The following UGT2A2 variants were observed in gnomAD, a reference collection of about 807,000 sequenced individuals.
UGT2A2 encodes the protein UDP glucuronosyltransferase family 2 member A2, also known as UDP-glucuronosyltransferase 2A2.
A neutral mutation model predicts 50.7 loss-of-function variants in UGT2A2; 60 were observed. The observed-to-expected ratio is 1.18, with a 90% confidence interval of 0.96 to 1.47. The LOEUF is 1.47. Ranked by LOEUF, UGT2A2 falls within the 40% of genes most tolerant of loss-of-function variation. The pLI, the probability that UGT2A2 is intolerant of heterozygous loss-of-function variation, is 0.00. For synonymous variants in UGT2A2, 242 were observed against 214.6 expected, an observed-to-expected ratio of 1.13 and a Z score of -1.11; for missense variants, 762 against 634.0, an observed-to-expected ratio of 1.20 and a Z score of -2.17.
intron 1 of UGT2A2, among the ~76,000 whole-genome samples, chr4:69,604,846 G>T (rs1214075292): frequency 7.3e-6 from 1 of 136,738 alleles, no homozygotes; most frequent in Non-Finnish European, 1.6e-5. Context: ...AATGGTAAAA[G>T]GATCAATTCA....
At chr4:69,589,860 T>C (rs1718489529) in intron 5 of UGT2A2, among the ~76,000 whole-genome samples, 1 of 152,178 alleles carries the variant, frequency 6.6e-6, no homozygotes, top group Non-Finnish European at 1.5e-5. Flanking sequence ...CACAGTATGA[T>C]CAAATGTAGA....
In UGT2A2 at chr4:69,594,571, T is replaced by C. The variant is rs200977970; in HGVS notation, c.1237A>G (p.Met413Val). ...TCCACAGCTGCTCCTTTGGCCTTCATGTGAGCAATGTTATCAGGCTGATCA... is the reference window on the plus strand; with the variant it reads ...TCCACAGCTGCTCCTTTGGCCTTCACGTGAGCAATGTTATCAGGCTGATCA... ...FADQPDNIAH[M>V]KAKGAAVEVN... Residue 413 changes from methionine to valine, a missense_variant, in exon 5 of 6, where the codon ATG (methionine) becomes GTG (valine). Transcript: ENST00000604629. The C allele has an allele frequency of 6.2e-7, 1 of 1,614,066 alleles. No individual in the cohort carries two copies. The highest frequency in any genetic ancestry group is 8.5e-7 in the Non-Finnish European group (1 of 1,180,054).
chr4:69,605,459 G>A (rs1441576089), intron 1 of UGT2A2, among the ~76,000 whole-genome samples: 1 of 136,356 alleles, frequency 7.3e-6, no homozygotes, highest in Non-Finnish European at 1.6e-5. Context: ...AATGCCCACA[G>A]AACAGAGCAG....
At chr4:69,620,096 C>G (rs1720654858) in intron 1 of UGT2A2, among the ~76,000 whole-genome samples, 1 of 152,016 alleles carries the variant, frequency 6.6e-6, no homozygotes, top group South Asian at 2.1e-4. Context: ...CCCTCTCTCA[C>G]TACTCCTATT....
At chr4:69,607,259 A>G (rs1402881895) in intron 1 of UGT2A2, among the ~76,000 whole-genome samples, 4 of 150,394 alleles carry the variant, frequency 2.7e-5, no homozygotes, top group Non-Finnish European at 3.0e-5. Flanking sequence ...CTCAGAAATA[A>G]TGCTGCGTAT....
chr4:69,618,993 T>C (rs545948887), intron 1 of UGT2A2, among the ~76,000 whole-genome samples: 2 of 151,982 alleles, frequency 1.3e-5, no homozygotes, highest in East Asian at 3.9e-4. Flanking sequence ...AATTTAATTA[T>C]GCAATAATAT....
chr4:69,602,805 T>A (rs1466570510), intron 1 of UGT2A2, among the ~76,000 whole-genome samples: 1 of 137,018 alleles, frequency 7.3e-6, no homozygotes, highest in Non-Finnish European at 1.6e-5. Context: ...CATAAAGATG[T>A]CCATTCTCTA....
At position 69,589,368 on chromosome 4, in the gene UGT2A2, TGACC is replaced by T; in HGVS notation, c.1611_*3del. 1 of 1,605,958 alleles carries T rather than the reference TGACC, an allele frequency of 6.2e-7. No individual in the cohort carries two copies. On this transcript the variant is annotated stop_retained_variant and 3_prime_UTR_variant, in exon 6 of 6. Transcript: ENST00000604629. ...AAATATATATATTTCCTCTTTTTCT[TGACC>T]TATTCTCTTTTTTTCTTCTTTCCTA...
chr4:69,603,394 T>C (rs1425383635), intron 1 of UGT2A2: 1 of 136,380 alleles, frequency 7.3e-6, no homozygotes, highest in Non-Finnish European at 1.6e-5. Flanking sequence ...ATGGGACAGC[T>C]CCTTACCCAA....
chr4:69,618,429 C>T lies in UGT2A2; in HGVS notation c.743-19035G>A, dbSNP rs946896788. ...CACAAGAGAAGAGATTTAAAAAGCACAAAAATGTCTTGGTGAATTCTAACA... is the reference window on the plus strand; with the variant it reads ...CACAAGAGAAGAGATTTAAAAAGCATAAAAATGTCTTGGTGAATTCTAACA... On this transcript the variant is annotated intron_variant, in intron 1 of 5. Coordinates refer to ENST00000604629, the MANE Select transcript of UGT2A2 (RefSeq NM_001105677.2). Among the ~76,000 whole-genome samples the T allele has an allele frequency of 5.3e-5, 8 of 151,916 alleles. No individual in the cohort carries two copies. The East Asian group carries it at 1.6e-3, about 29-fold the overall frequency.
chr4:69,627,737 A>G (rs903443403), intron 1 of UGT2A2, among the ~76,000 whole-genome samples: 3 of 151,976 alleles, frequency 2.0e-5, no homozygotes, highest in Admixed American at 6.6e-5. Context: ...CCTGTATCAA[A>G]TTATGAGCAA....
chr4:69,589,103 T>C lies in UGT2A2; in HGVS notation c.*269A>G. On this transcript the variant is annotated 3_prime_UTR_variant, in exon 6 of 6. Transcript: ENST00000604629. ...ATAGAACATATTTAAAATTAGGTAG[T>C]ATCCTTGTGTCAGAAAAGTGACAGG... The C allele has an allele frequency of 3.4e-6, 1 of 291,262 alleles. No individual in the cohort carries two copies. The highest frequency in any genetic ancestry group is 6.4e-5 in the East Asian group (1 of 15,608). The allele number at this position is 291,262 out of a possible 1,614,324, so 18.0% of individuals were successfully genotyped here.
At chr4:69,628,794 T>C (rs1258252760) in intron 1 of UGT2A2, among the ~76,000 whole-genome samples, 2 of 148,516 alleles carry the variant, frequency 1.3e-5, no homozygotes, top group Non-Finnish European at 3.0e-5. Flanking sequence ...ATACGTGAAA[T>C]GCCTAAAAAC....
chr4:69,629,517 C>T (rs1003832307), intron 1 of UGT2A2, among the ~76,000 whole-genome samples: 3 of 152,122 alleles, frequency 2.0e-5, no homozygotes, highest in African/African-American at 7.2e-5. Flanking sequence ...CCAGTTTTTG[C>T]TCTGAGGGTC....
At chr4:69,625,710 T>A (rs1005705675) in intron 1 of UGT2A2, among the ~76,000 whole-genome samples, 1 of 151,444 alleles carries the variant, frequency 6.6e-6, no homozygotes, top group African/African-American at 2.4e-5. Context: ...TTATGTAAAT[T>A]TAAAATTTAC....
At position 69,639,048 on chromosome 4, in the gene UGT2A2, G is replaced by T. The variant is rs1329214069; in HGVS notation, c.593C>A (p.Pro198Gln). ...TAAGGCTGCCGGTACATAGGAGACT[G>T]GTGCTGGGATTTTCCCACAGTGTCT... is the stretch of plus-strand genomic sequence containing the variant. Reference protein sequence around the residue: ...VERHCGKIPAPVSYVPAALSE... With the variant: ...VERHCGKIPAQVSYVPAALSE... The change falls in exon 1 of 6, where the codon CCA becomes CAA. Residue 198 changes from proline to glutamine, a missense_variant. Physicochemically the swap from Pro to Gln is moderately conservative, Grantham distance 76. Transcript: ENST00000604629. The T allele has an allele frequency of 6.2e-7, 1 of 1,613,250 alleles. No homozygotes were observed. The highest frequency in any genetic ancestry group is 8.5e-7 in the Non-Finnish European group (1 of 1,179,616).
At chr4:69,590,289 G>A (rs570945758) in intron 5 of UGT2A2, among the ~76,000 whole-genome samples, 1 of 152,162 alleles carries the variant, frequency 6.6e-6, no homozygotes, top group Non-Finnish European at 1.5e-5. Flanking sequence ...CCTAGAATTA[G>A]AGCTCTAAAT....
chr4:69,632,984 G>T (rs767412909), intron 1 of UGT2A2, among the ~76,000 whole-genome samples: 4 of 152,006 alleles, frequency 2.6e-5, no homozygotes, highest in Non-Finnish European at 5.9e-5. Flanking sequence ...CAAACCGGAC[G>T]TGGGTGACAA....
intron 1 of UGT2A2, among the ~76,000 whole-genome samples, chr4:69,613,427 A>G (rs777869440): frequency 1.3e-5 from 2 of 152,004 alleles, no homozygotes; most frequent in Non-Finnish European, 2.9e-5. Context: ...TGTCAATTCT[A>G]CTGAAACTAT....
Sources: gnomAD v4.1 joint callset for allele counts (sites outside exome capture counted in the v4.1 genomes callset) on GRCh38, gnomAD v4.1.1 for gene constraint, MANE v1.5 for transcripts, NCBI Gene and HGNC (gene_info 2026-07-23, HGNC 2026-07-21) for gene names.